Variants in PAPPA2 observed in about 807,000 individuals in gnomAD.
The protein encoded by PAPPA2 is pappalysin-2.
In PAPPA2, 86 loss-of-function variants were observed where a neutral mutation model predicts 176.4. The ratio of observed to expected loss-of-function variants is 0.49; its 90% CI spans 0.41 to 0.58. PAPPA2 has a LOEUF of 0.58. Among genes scored for constraint, PAPPA2 ranks in the 20% least tolerant of loss-of-function variants. The probability of loss-of-function intolerance (pLI) is 0.00; values close to 1 mark genes in which losing one functional copy is unlikely to be tolerated. For missense variants in PAPPA2, 2,073 were observed against 2,256.9 expected (o/e 0.92, Z 1.65); for synonymous variants, 809 against 852.2 (o/e 0.95, Z 0.88).
intron 2 of PAPPA2, among the ~76,000 whole-genome samples, chr1:176,590,842 G>A (rs1192581113): frequency 1.3e-5 from 2 of 151,948 alleles, no homozygotes; most frequent in Non-Finnish European, 2.9e-5. Flanking sequence ...AAACTGTTCT[G>A]GGCTCAAAAT....
chr1:176,798,470 A>C (rs1665539288), intron 20 of PAPPA2, among the ~76,000 whole-genome samples: 2 of 152,200 alleles, frequency 1.3e-5, no homozygotes, highest in Non-Finnish European at 2.9e-5. Flanking sequence ...TATGAGAAGG[A>C]ATAAAGTTCT....
intron 3 of PAPPA2, among the ~76,000 whole-genome samples, chr1:176,643,927 C>T (rs116765745): frequency 0.012 from 1,788 of 151,896 alleles, 41 homozygotes; most frequent in African/African-American, 0.041. Flanking sequence ...GGCACCAACT[C>T]TTGCAGCAGA....
chr1:176,627,621 T>C (rs1286721157), intron 3 of PAPPA2, among the ~76,000 whole-genome samples: 1 of 152,210 alleles, frequency 6.6e-6, no homozygotes, highest in Non-Finnish European at 1.5e-5. Context: ...CATTTTTGCA[T>C]TGTAATTTAT....
chr1:176,835,779 A>G (rs758689160), intron 21 of PAPPA2, among the ~76,000 whole-genome samples: 3 of 152,090 alleles, frequency 2.0e-5, no homozygotes, highest in South Asian at 2.1e-4. Context: ...CGGCCTCCCA[A>G]AGTGCTGAGA....
chr1:176,825,280 G>A (rs6659744), intron 21 of PAPPA2, among the ~76,000 whole-genome samples: 96,945 of 151,992 alleles, frequency 0.64, 32,013 homozygotes, highest in African/African-American at 0.82. Flanking sequence ...CGGCTTTTCC[G>A]ATTGTGTTTT....
intron 3 of PAPPA2, among the ~76,000 whole-genome samples, chr1:176,642,978 A>G (rs1657184358): frequency 6.6e-6 from 1 of 151,880 alleles, no homozygotes; most frequent in Non-Finnish European, 1.5e-5. Context: ...CTGAAAATGC[A>G]TTGCCTTTTC....
intron 1 of PAPPA2, among the ~76,000 whole-genome samples, chr1:176,474,188 C>A (rs1450475036): frequency 6.6e-6 from 1 of 152,164 alleles, no homozygotes; most frequent in Non-Finnish European, 1.5e-5. Context: ...TGTCAATTCC[C>A]AGTGACTTAT....
intron 1 of PAPPA2, among the ~76,000 whole-genome samples, chr1:176,504,093 G>A (rs1333290552): frequency 2.0e-5 from 3 of 152,006 alleles, no homozygotes; most frequent in Non-Finnish European, 2.9e-5. Flanking sequence ...CTGTGGTATG[G>A]TTCCATATCT....
rs1236972553 is a variant in PAPPA2, at chr1:176,555,980, AAAAG to A, written c.-335_-332del. On this transcript the variant is annotated 5_prime_UTR_variant, in exon 2 of 23. The change creates a premature stop within an existing upstream ORF in the 5' untranslated region. Transcript: ENST00000367662. ...TTACTGAAGAAGAAGGGGGGAAAAA[AAAAG>A]AAAGAAATCTGAGCTTTCTGGGAGG... 4.1e-6 allele frequency: 1 copy of A among 242,280 alleles called. No individual in the cohort carries two copies. Among genetic ancestry groups the A allele is most frequent in the East Asian group, 8.8e-5 (1 of 11,334 alleles). The allele number at this position is 242,280 out of a possible 1,614,324, so 15.0% of individuals were successfully genotyped here.
intron 7 of PAPPA2, among the ~76,000 whole-genome samples, chr1:176,697,835 C>T (rs894263909): frequency 1.3e-5 from 2 of 152,126 alleles, no homozygotes; most frequent in Admixed American, 1.3e-4. Context: ...AAGACTTTGT[C>T]TCTCTTGTTC....
Position 176,666,877 on chromosome 1 carries a change from T to C in PAPPA2, c.1992-4093T>C, listed in dbSNP as rs1317347195. Among the ~76,000 whole-genome samples, 6 of 151,984 alleles carry C rather than the reference T, an allele frequency of 3.9e-5. No homozygotes were observed. The South Asian group carries it at 8.3e-4, about 21-fold the overall frequency. On this transcript the variant is annotated intron_variant, in intron 3 of 22. Coordinates refer to ENST00000367662, the MANE Select transcript of PAPPA2 (RefSeq NM_020318.3). ...GAAATGAAAAAGAAACAAATACATC[T>C]GAATAAGGGTGACAATGAGAATGGA... is the stretch of plus-strand genomic sequence containing the variant.
chr1:176,591,019 C>CCTTATATATTTAT (rs1212837067), intron 2 of PAPPA2, among the ~76,000 whole-genome samples: 1 of 150,778 alleles, frequency 6.6e-6, no homozygotes, highest in African/African-American at 2.4e-5. Flanking sequence ...ATTTGGAAAG[C>CCTTATATATTTAT]TTAAGGACTA....
intron 2 of PAPPA2, among the ~76,000 whole-genome samples, chr1:176,582,487 C>T (rs1002659901): frequency 5.9e-5 from 9 of 152,034 alleles, no homozygotes; most frequent in African/African-American, 2.2e-4. Flanking sequence ...TTTCTTTCTA[C>T]CTGATTTATG....
chr1:176,568,470 G>A (rs1652113966), intron 2 of PAPPA2, among the ~76,000 whole-genome samples: 1 of 152,210 alleles, frequency 6.6e-6, no homozygotes, highest in Admixed American at 6.5e-5. Context: ...AGCTGGTGCA[G>A]GCAGAGCCAA....
At chr1:176,835,364 T>C (rs1667232214) in intron 21 of PAPPA2, among the ~76,000 whole-genome samples, 1 of 152,216 alleles carries the variant, frequency 6.6e-6, no homozygotes, top group South Asian at 2.1e-4. Flanking sequence ...ATCTATGGTG[T>C]TCAAAAAAAT....
In PAPPA2 at chr1:176,666,603, G is replaced by C. The variant is rs1467391335; in HGVS notation, c.1992-4367G>C. Among the ~76,000 whole-genome samples the C allele has an allele frequency of 6.0e-5, 9 of 148,762 alleles. No homozygotes were observed. The East Asian group carries it at 1.8e-3, about 29-fold the overall frequency. On this transcript the variant is annotated intron_variant, in intron 3 of 22. Coordinates refer to ENST00000367662, the MANE Select transcript of PAPPA2 (RefSeq NM_020318.3). ...TGTGTGTGTGTGTGTGTGTGTGTGT[G>C]TGTGTGAGAGAGAGAGAGAGAGAGA...
intron 3 of PAPPA2, among the ~76,000 whole-genome samples, chr1:176,637,480 C>T (rs909968829): frequency 6.6e-6 from 1 of 152,134 alleles, no homozygotes; most frequent in Non-Finnish European, 1.5e-5. Flanking sequence ...TAACAATGCA[C>T]ATAACAACAT....
intron 2 of PAPPA2, among the ~76,000 whole-genome samples, chr1:176,578,385 T>C (rs1384393785): frequency 6.6e-6 from 1 of 152,186 alleles, no homozygotes; most frequent in Non-Finnish European, 1.5e-5. Context: ...ATCATTCTTC[T>C]AGGTCAGATG....
At chr1:176,541,710 T>C (rs1323143722) in intron 1 of PAPPA2, among the ~76,000 whole-genome samples, 2 of 152,242 alleles carry the variant, frequency 1.3e-5, no homozygotes, top group African/African-American at 2.4e-5. Context: ...GTATTTTTTG[T>C]ACTCTTTAAA....
Sources: allele counts gnomAD v4.1 joint callset (sites outside exome capture counted in the v4.1 genomes callset), GRCh38; gene constraint gnomAD v4.1.1; transcripts MANE v1.5; gene names NCBI Gene and HGNC (gene_info 2026-07-23, HGNC 2026-07-21).